Variants in ENTREP2 observed in about 807,000 individuals in gnomAD.
ENTREP2 encodes endosomal transmembrane epsin interactor 2, also known as protein ENTREP2.
the ENTREP2 span, among the ~76,000 whole-genome samples, chr15:29,259,300 A>G: frequency 7.2e-5 from 11 of 152,236 alleles, no homozygotes; most frequent in Non-Finnish European, 1.5e-4. Flanking sequence ...ACCACATTAC[A>G]ATATTCAAAA....
the ENTREP2 span, among the ~76,000 whole-genome samples, chr15:29,420,758 A>AT: frequency 4.6e-5 from 7 of 152,074 alleles, no homozygotes; most frequent in Non-Finnish European, 7.4e-5. Flanking sequence ...TTGAAAACAG[A>AT]TTTCCCAGCC....
At chr15:29,634,639 G>A in the ENTREP2 span, among the ~76,000 whole-genome samples, 2 of 152,186 alleles carry the variant, frequency 1.3e-5, no homozygotes, top group African/African-American at 4.8e-5. Context: ...ATCCCAGAGG[G>A]TGAGGGCTCT....
chr15:29,132,841 G>C, the ENTREP2 span, among the ~76,000 whole-genome samples: 1 of 152,104 alleles, frequency 6.6e-6, no homozygotes, highest in South Asian at 2.1e-4. Flanking sequence ...GGTTCCTGTC[G>C]TCAGGAGGCA....
the ENTREP2 span, among the ~76,000 whole-genome samples, chr15:29,659,671 T>C: frequency 6.6e-6 from 1 of 152,184 alleles, no homozygotes; most frequent in Non-Finnish European, 1.5e-5. Flanking sequence ...ATTGTGTAAA[T>C]TGAACCATAT....
the ENTREP2 span, among the ~76,000 whole-genome samples, chr15:29,155,133 T>G: frequency 6.6e-6 from 1 of 151,498 alleles, no homozygotes; most frequent in East Asian, 2.0e-4. Flanking sequence ...ATACAAAAAA[T>G]TAGTCGGGCG....
the ENTREP2 span, among the ~76,000 whole-genome samples, chr15:29,618,039 C>T: frequency 2.0e-5 from 3 of 152,170 alleles, no homozygotes; most frequent in Non-Finnish European, 2.9e-5. Context: ...TCCTAATTTT[C>T]GTGGGCTGCC....
the ENTREP2 span, among the ~76,000 whole-genome samples, chr15:29,380,922 G>A: frequency 1.3e-5 from 2 of 149,670 alleles, no homozygotes; most frequent in Non-Finnish European, 3.0e-5. Flanking sequence ...CGCGATCTCG[G>A]CTCACTGCAA....
At chr15:29,528,488 C>A in the ENTREP2 span, among the ~76,000 whole-genome samples, 1 of 152,198 alleles carries the variant, frequency 6.6e-6, no homozygotes, top group African/African-American at 2.4e-5. Flanking sequence ...GCCTAGCAAG[C>A]CTACAGTACA....
chr15:29,251,779 G>T, the ENTREP2 span, among the ~76,000 whole-genome samples: 1 of 117,930 alleles, frequency 8.5e-6, no homozygotes, highest in East Asian at 2.4e-4. Flanking sequence ...ATCAGCTATC[G>T]CTAGTTTTAG....
the ENTREP2 span, among the ~76,000 whole-genome samples, chr15:29,624,874 T>C: frequency 1.0e-5 from 1 of 96,794 alleles, no homozygotes; most frequent in Admixed American, 9.2e-5. Context: ...CATTAATTTG[T>C]GTGTGTGTGT....
chr15:29,344,206 G>A, the ENTREP2 span, among the ~76,000 whole-genome samples: 1 of 152,134 alleles, frequency 6.6e-6, no homozygotes, highest in Non-Finnish European at 1.5e-5. Flanking sequence ...GACTTTCCAG[G>A]GAACAGGTGC....
the ENTREP2 span, among the ~76,000 whole-genome samples, chr15:29,422,280 G>C: frequency 6.6e-6 from 1 of 150,842 alleles, no homozygotes. Context: ...CAAAAAAAAA[G>C]AAAAAAGAAA....
At chr15:29,523,206 G>T in the ENTREP2 span, among the ~76,000 whole-genome samples, 1 of 152,154 alleles carries the variant, frequency 6.6e-6, no homozygotes, top group Non-Finnish European at 1.5e-5. Flanking sequence ...AAATCTTAAG[G>T]AATCCACAAA....
chr15:29,301,773 G>A, the ENTREP2 span, among the ~76,000 whole-genome samples: 20 of 152,118 alleles, frequency 1.3e-4, no homozygotes, highest in African/African-American at 4.8e-4. Flanking sequence ...TCATGAGGGC[G>A]TAACCTTAAT....
the ENTREP2 span, among the ~76,000 whole-genome samples, chr15:29,632,555 G>A: frequency 6.6e-6 from 1 of 152,208 alleles, no homozygotes; most frequent in Non-Finnish European, 1.5e-5. Flanking sequence ...GCTGAGGCAG[G>A]TGGATCACCT....
At chr15:29,580,061 G>T in the ENTREP2 span, among the ~76,000 whole-genome samples, 1 of 151,860 alleles carries the variant, frequency 6.6e-6, no homozygotes, top group Non-Finnish European at 1.5e-5. Flanking sequence ...GCCAAGGCTG[G>T]TCTCTAAACT....
chr15:29,669,834 C>T, the ENTREP2 span, among the ~76,000 whole-genome samples: 5 of 152,176 alleles, frequency 3.3e-5, no homozygotes, highest in African/African-American at 7.2e-5. Flanking sequence ...CATGTCATCC[C>T]GGTCCCTATT....
chr15:29,500,580 A>G, the ENTREP2 span, among the ~76,000 whole-genome samples: 1 of 152,098 alleles, frequency 6.6e-6, no homozygotes, highest in African/African-American at 2.4e-5. Flanking sequence ...TTAATCTTTC[A>G]TATCAGAGTT....
chr15:29,341,816 A>C, the ENTREP2 span, among the ~76,000 whole-genome samples: 2 of 152,266 alleles, frequency 1.3e-5, no homozygotes, highest in South Asian at 4.1e-4. Flanking sequence ...AAAGTTACAG[A>C]AACTGTCAGG....
Sources: gnomAD v4.1 joint callset for allele counts (sites outside exome capture counted in the v4.1 genomes callset) on GRCh38, gnomAD v4.1.1 for gene constraint, MANE v1.5 for transcripts, NCBI Gene and HGNC (gene_info 2026-07-23, HGNC 2026-07-21) for gene names.